Variants in SNTB1 observed in about 807,000 individuals in gnomAD.
SNTB1 encodes the protein beta-1-syntrophin.
SNTB1 carries 36 observed loss-of-function variants against 48.9 expected under a neutral mutation model. The observed-to-expected ratio is 0.74, with a 90% CI of 0.56 to 0.97. SNTB1 has a LOEUF of 0.97. SNTB1 is among the 50% of genes least tolerant of loss of function. The pLI, the probability that SNTB1 is intolerant of heterozygous loss-of-function variation, is 0.00. For synonymous variants in SNTB1, 299 were observed against 294.6 expected (o/e 1.01, Z -0.15); for missense variants, 786 against 703.4 (o/e 1.12, Z -1.33).
At chr8:120,602,406 A>C (rs1044452722) in intron 3 of SNTB1, among the ~76,000 whole-genome samples, 2 of 152,228 alleles carry the variant, frequency 1.3e-5, no homozygotes, top group Non-Finnish European at 2.9e-5. Context: ...ATTGACTTTG[A>C]GTAAAGCAGA....
intron 3 of SNTB1, among the ~76,000 whole-genome samples, chr8:120,579,201 CAA>C (rs1563822357): frequency 2.6e-3 from 388 of 151,938 alleles, no homozygotes; most frequent in African/African-American, 8.4e-3. Flanking sequence ...AACAAACAAA[CAA>C]ACAAACAAAC....
intron 1 of SNTB1, among the ~76,000 whole-genome samples, chr8:120,762,600 T>C (rs1331018306): frequency 6.6e-6 from 1 of 152,178 alleles, no homozygotes; most frequent in Non-Finnish European, 1.5e-5. Context: ...CATGTTACTT[T>C]GCCATATGTG....
intron 3 of SNTB1, among the ~76,000 whole-genome samples, chr8:120,614,621 T>C (rs1285380508): frequency 6.6e-6 from 1 of 152,204 alleles, no homozygotes; most frequent in East Asian, 1.9e-4. Context: ...AGGTCTTAAA[T>C]CTACTGTTAC....
chr8:120,669,224 A>G (rs980740913), intron 2 of SNTB1, among the ~76,000 whole-genome samples: 14 of 152,200 alleles, frequency 9.2e-5, no homozygotes, highest in African/African-American at 2.9e-4. Context: ...CACTAAAGGA[A>G]CTTTTTCTGA....
chr8:120,724,260 C>T (rs1818717411), intron 1 of SNTB1, among the ~76,000 whole-genome samples: 1 of 152,298 alleles, frequency 6.6e-6, no homozygotes, highest in East Asian at 1.9e-4. Flanking sequence ...AAAGTTTGGG[C>T]TTTGAGATGA....
chr8:120,610,325 C>T (rs554568115), intron 3 of SNTB1, among the ~76,000 whole-genome samples: 4 of 152,154 alleles, frequency 2.6e-5, no homozygotes, highest in Admixed American at 6.5e-5. Context: ...TTAGAAGAGA[C>T]GGGGTTTCAC....
At chr8:120,783,219 C>T (rs1819858856) in intron 1 of SNTB1, among the ~76,000 whole-genome samples, 2 of 152,148 alleles carry the variant, frequency 1.3e-5, no homozygotes, top group East Asian at 3.8e-4. Flanking sequence ...TTCTCACTCT[C>T]AGTTGGTTGG....
intron 3 of SNTB1, among the ~76,000 whole-genome samples, chr8:120,624,669 A>G (rs1164954059): frequency 1.3e-5 from 2 of 152,164 alleles, no homozygotes; most frequent in Non-Finnish European, 2.9e-5. Context: ...ATAGTCCCAG[A>G]GTCTTAACTT....
chr8:120,537,680 G>T lies in SNTB1; in HGVS notation c.*1197C>A, dbSNP rs1815222757. On this transcript the variant is annotated 3_prime_UTR_variant, in exon 7 of 7. Transcript: ENST00000517992. ...AAAAGTGACTTCAAAATCAATAGGT[G>T]TTATTTTTAGTGAATTTGTTTTGAA... 4 of 152,292 alleles carry T rather than the reference G, an allele frequency of 2.6e-5. No individual in the cohort carries two copies. The South Asian group carries it at 8.3e-4, about 32-fold the overall frequency. The allele number at this position is 152,292 out of a possible 1,614,324, so 9.4% of individuals were successfully genotyped here.
At chr8:120,623,469 T>C (rs1299719548) in intron 3 of SNTB1, among the ~76,000 whole-genome samples, 3 of 152,204 alleles carry the variant, frequency 2.0e-5, no homozygotes, top group African/African-American at 7.2e-5. Context: ...CATCCTCCCC[T>C]AGGAACCAGG....
rs143066055 is a variant in SNTB1 at position 120,801,113 on chromosome 8, C to T, written c.571+10160G>A. Among the ~76,000 whole-genome samples the T allele has an allele frequency of 5.2e-3, 789 of 151,856 alleles. 3 individuals carry two copies. Among genetic ancestry groups the T allele is most frequent in the Middle Eastern group, 0.034 (10 of 294 alleles). ...TATGTTATTTTGATTTAGAAAAATT[C>T]TAAAAATGAAGCAGAGAACAGAGGA... On this transcript the variant is annotated intron_variant, in intron 1 of 6. Coordinates refer to ENST00000517992, the MANE Select transcript of SNTB1 (RefSeq NM_021021.4).
intron 4 of SNTB1, among the ~76,000 whole-genome samples, chr8:120,567,679 C>T (rs762823231): frequency 6.6e-5 from 10 of 151,996 alleles, no homozygotes; most frequent in Non-Finnish European, 1.3e-4. Flanking sequence ...CCTCAGCCTC[C>T]CAAAGTCCTG....
At chr8:120,711,104 A>C (rs1284195154) in intron 1 of SNTB1, among the ~76,000 whole-genome samples, 3 of 152,214 alleles carry the variant, frequency 2.0e-5, no homozygotes, top group Non-Finnish European at 2.9e-5. Flanking sequence ...TAGAACATTG[A>C]AACCCAGGTA....
chr8:120,762,118 C>G (rs905712948), intron 1 of SNTB1, among the ~76,000 whole-genome samples: 2 of 152,156 alleles, frequency 1.3e-5, no homozygotes, highest in Non-Finnish European at 2.9e-5. Flanking sequence ...TTCCAGAGGA[C>G]TGAATTTGAT....
chr8:120,743,863 C>T (rs1311108007), intron 1 of SNTB1, among the ~76,000 whole-genome samples: 2 of 152,154 alleles, frequency 1.3e-5, no homozygotes, highest in Non-Finnish European at 2.9e-5. Context: ...GTGCAGTGGC[C>T]CATGCCTGTA....
intron 2 of SNTB1, among the ~76,000 whole-genome samples, chr8:120,687,504 G>A (rs537342228): frequency 6.6e-6 from 1 of 152,094 alleles, no homozygotes; most frequent in African/African-American, 2.4e-5. Flanking sequence ...GGGTTACCTC[G>A]GCAAGGCTCT....
chr8:120,681,849 C>T (rs1817936066), intron 2 of SNTB1, among the ~76,000 whole-genome samples: 1 of 151,918 alleles, frequency 6.6e-6, no homozygotes, highest in African/African-American at 2.4e-5. Context: ...GATCACCAGA[C>T]ATTTGAGAAA....
chr8:120,572,130 C>T (rs1328859754), intron 4 of SNTB1, among the ~76,000 whole-genome samples: 1 of 152,148 alleles, frequency 6.6e-6, no homozygotes, highest in African/African-American at 2.4e-5. Context: ...GCTACTGGGT[C>T]TCATTCTCCT....
In SNTB1 at chr8:120,695,486, G is replaced by A. The variant is rs1818196797; in HGVS notation, c.572-1578C>T. ...GCCGCTAAGCTCAGGAGGCTGCAAAGTCACTACCCAATCCCCCAGACAGAT... is the reference window on the plus strand; with the variant it reads ...GCCGCTAAGCTCAGGAGGCTGCAAAATCACTACCCAATCCCCCAGACAGAT... On this transcript the variant is annotated intron_variant, in intron 1 of 6. Transcript: ENST00000517992. Among the ~76,000 whole-genome samples the A allele has an allele frequency of 2.0e-5, 3 of 152,178 alleles. No homozygotes were observed. In the South Asian group the frequency reaches 6.2e-4, roughly 32 times the overall value.
Sources: gnomAD v4.1 joint callset for allele counts (sites outside exome capture counted in the v4.1 genomes callset) on GRCh38, gnomAD v4.1.1 for gene constraint, MANE v1.5 for transcripts, NCBI Gene and HGNC (gene_info 2026-07-23, HGNC 2026-07-21) for gene names.